The following SPAG16 variants were observed in gnomAD, a reference collection of about 807,000 sequenced individuals.
SPAG16 encodes sperm-associated antigen 16 protein.
A neutral mutation model predicts 80.4 loss-of-function variants in SPAG16; 86 were observed. The observed-to-expected ratio is 1.07, with a 90% CI of 0.90 to 1.28. SPAG16 has a LOEUF of 1.28. Among genes scored for constraint, SPAG16 ranks in the 50% most tolerant of loss-of-function variants. The pLI, the probability that SPAG16 is intolerant of heterozygous loss-of-function variation, is 0.00. For synonymous variants in SPAG16, 294 were observed against 265.9 expected (o/e 1.11, Z -1.03); for missense variants, 870 against 765.3 (o/e 1.14, Z -1.61).
chr2:213,384,619 T>C (rs889222837), intron 9 of SPAG16, among the ~76,000 whole-genome samples: 8 of 152,202 alleles, frequency 5.3e-5, no homozygotes, highest in Non-Finnish European at 7.4e-5. Flanking sequence ...GGAGGAATCA[T>C]TGTATGTACT....
chr2:213,437,132 C>T (rs534806187), intron 9 of SPAG16, among the ~76,000 whole-genome samples: 1 of 152,252 alleles, frequency 6.6e-6, no homozygotes, highest in African/African-American at 2.4e-5. Flanking sequence ...ATTTCCTGAC[C>T]TCGTGATCTG....
chr2:213,673,989 T>C (rs1166053137), intron 10 of SPAG16, among the ~76,000 whole-genome samples: 1 of 152,118 alleles, frequency 6.6e-6, no homozygotes, highest in Non-Finnish European at 1.5e-5. Flanking sequence ...AATAAAGTTA[T>C]ATTTTTAAAT....
In SPAG16 at chr2:214,288,189, T is replaced by A. The variant is rs921325726; in HGVS notation, c.1721-121951T>A. Reference sequence around the variant, plus strand: ...AACATATAGTATCTGTTGTGCTGTGTCTGGCTTATCTCACTTAATGTAACA... The same window carrying A: ...AACATATAGTATCTGTTGTGCTGTGACTGGCTTATCTCACTTAATGTAACA... On this transcript the variant is annotated intron_variant, in intron 15 of 15. Coordinates refer to ENST00000331683, the MANE Select transcript of SPAG16 (RefSeq NM_024532.5). Among the ~76,000 whole-genome samples the A allele has an allele frequency of 5.3e-5, 8 of 152,176 alleles. No individual in the cohort carries two copies. In the East Asian group the frequency reaches 1.5e-3, roughly 29 times the overall value.
intron 10 of SPAG16, among the ~76,000 whole-genome samples, chr2:213,838,982 C>T (rs751942432): frequency 6.6e-6 from 1 of 152,098 alleles, no homozygotes; most frequent in Non-Finnish European, 1.5e-5. Context: ...TTAACAGTCA[C>T]GTGGTTACCG....
At chr2:213,307,202 T>A (rs925734546) in intron 3 of SPAG16, among the ~76,000 whole-genome samples, 3 of 152,124 alleles carry the variant, frequency 2.0e-5, no homozygotes, top group Non-Finnish European at 4.4e-5. Flanking sequence ...TTTTTTATTT[T>A]TTTTACTTTA....
In SPAG16 at chr2:214,366,822, T is replaced by C. The variant is rs138752404; in HGVS notation, c.1721-43318T>C. Among the ~76,000 whole-genome samples the C allele has an allele frequency of 3.6e-3, 549 of 152,186 alleles. 2 individuals are homozygous for C. Among genetic ancestry groups the C allele is most frequent in the African/African-American group, 0.013 (533 of 41,500 alleles). On this transcript the variant is annotated intron_variant, in intron 15 of 15. Coordinates refer to ENST00000331683, the MANE Select transcript of SPAG16 (RefSeq NM_024532.5). ...CATCTGCTTTAACTTAGACTACATG[T>C]AGTACCTAAACAGCTTGATATAGTT... is the stretch of plus-strand genomic sequence containing the variant.
intron 10 of SPAG16, among the ~76,000 whole-genome samples, chr2:213,685,623 T>C (rs184540815): frequency 2.1e-4 from 32 of 151,030 alleles, no homozygotes; most frequent in Admixed American, 1.8e-3. Flanking sequence ...AAAGGAAGAA[T>C]AAGAGCAACT....
chr2:213,593,673 C>A (rs1229080666), intron 10 of SPAG16, among the ~76,000 whole-genome samples: 1 of 143,834 alleles, frequency 7.0e-6, no homozygotes, highest in Non-Finnish European at 1.5e-5. Flanking sequence ...AGGTCATCAT[C>A]CTCTTTCCTA....
chr2:214,402,313 G>A (rs927266424), intron 15 of SPAG16, among the ~76,000 whole-genome samples: 2 of 151,968 alleles, frequency 1.3e-5, no homozygotes, highest in African/African-American at 4.8e-5. Context: ...ATGCCTCTCA[G>A]TGGTTTTTCC....
chr2:214,084,317 C>A (rs10182085), intron 13 of SPAG16, among the ~76,000 whole-genome samples: 14,326 of 151,998 alleles, frequency 0.094, 851 homozygotes, highest in East Asian at 0.28. Context: ...AAGCCAGGAA[C>A]TAAAAACAAA....
intron 11 of SPAG16, among the ~76,000 whole-genome samples, chr2:213,899,593 A>T (rs2042784): frequency 0.58 from 88,854 of 151,910 alleles, 27,800 homozygotes; most frequent in South Asian, 0.84. Flanking sequence ...ACCATGCTAG[A>T]TTTAAATGTT....
chr2:214,380,713 T>C (rs1700400628), intron 15 of SPAG16, among the ~76,000 whole-genome samples: 1 of 152,238 alleles, frequency 6.6e-6, no homozygotes, highest in Non-Finnish European at 1.5e-5. Context: ...TTCACGGCAG[T>C]TGTGAATTTA....
intron 14 of SPAG16, among the ~76,000 whole-genome samples, chr2:214,121,754 C>T (rs2054231285): frequency 1.3e-5 from 2 of 151,722 alleles, no homozygotes; most frequent in African/African-American, 4.8e-5. Flanking sequence ...TTGCTTTTTG[C>T]TAATTTAGTG....
intron 12 of SPAG16, among the ~76,000 whole-genome samples, chr2:213,944,495 C>T (rs77019027): frequency 0.043 from 6,618 of 152,226 alleles, 172 homozygotes; most frequent in South Asian, 0.1. Flanking sequence ...GGGTTTCACA[C>T]GTTCACAGGG....
chr2:213,306,546 T>C lies in SPAG16; in HGVS notation c.280-3513T>C, dbSNP rs551083326. 2.0e-5 allele frequency among the ~76,000 whole-genome samples: 3 copies of C among 150,248 alleles called. No homozygotes were observed. The South Asian group carries it at 6.4e-4, about 32-fold the overall frequency. On this transcript the variant is annotated intron_variant, in intron 3 of 15. Coordinates refer to ENST00000331683, the MANE Select transcript of SPAG16 (RefSeq NM_024532.5). ...TGCCAAAGAATTACAGTCCATGTGGTGTAGACTGCCTTTCAAGTTTATTTA... is the reference window on the plus strand; with the variant it reads ...TGCCAAAGAATTACAGTCCATGTGGCGTAGACTGCCTTTCAAGTTTATTTA...
chr2:214,363,731 C>G (rs1410833753), intron 15 of SPAG16, among the ~76,000 whole-genome samples: 3 of 151,974 alleles, frequency 2.0e-5, no homozygotes, highest in African/African-American at 7.2e-5. Flanking sequence ...TTCATGTAAG[C>G]TATTTTGAAA....
intron 9 of SPAG16, among the ~76,000 whole-genome samples, chr2:213,382,683 TGTTCCA>T (rs921015215): frequency 3.3e-5 from 5 of 152,250 alleles, no homozygotes; most frequent in South Asian, 2.1e-4. Context: ...TATCTTACCA[TGTTCCA>T]GGCTTCAGAA....
At chr2:213,710,315 A>G (rs1216902995) in intron 10 of SPAG16, among the ~76,000 whole-genome samples, 1 of 152,046 alleles carries the variant, frequency 6.6e-6, no homozygotes. Flanking sequence ...ATAGGAAATG[A>G]CATAAATCTT....
chr2:214,331,201 G>A (rs749058961), intron 15 of SPAG16, among the ~76,000 whole-genome samples: 5 of 152,138 alleles, frequency 3.3e-5, no homozygotes, highest in Non-Finnish European at 7.3e-5. Context: ...TGGGCAGAGG[G>A]AGAACCATGG....
Sources: gnomAD v4.1 joint callset for allele counts (sites outside exome capture counted in the v4.1 genomes callset) on GRCh38, gnomAD v4.1.1 for gene constraint, MANE v1.5 for transcripts, NCBI Gene and HGNC (gene_info 2026-07-23, HGNC 2026-07-21) for gene names.